DNAH7: variants seen among roughly 807,000 people sequenced by gnomAD.
DNAH7 encodes the protein dynein axonemal heavy chain 7.
Under a neutral mutation model 444.6 loss-of-function variants are expected in DNAH7, and 397 were observed. The observed-to-expected ratio is 0.89, with a 90% CI of 0.82 to 0.97. DNAH7 has a LOEUF of 0.97. DNAH7 is among the 50% of genes least tolerant of loss of function. The pLI is 0.00. For missense variants in DNAH7, 4,902 were observed against 4,800.8 expected (o/e 1.02, Z -0.62); for synonymous variants, 1,636 against 1,624.4 (o/e 1.01, Z -0.17).
At chr2:195,784,236 C>A (rs1269964388) in intron 58 of DNAH7, among the ~76,000 whole-genome samples, 1 of 152,178 alleles carries the variant, frequency 6.6e-6, no homozygotes, top group East Asian at 1.9e-4. Context: ...AAATAAAAAT[C>A]ATCTGTGTTC....
rs1318958440 is a variant in DNAH7 at position 195,761,074 on chromosome 2, CA to C, written c.11434-4790del. Among the ~76,000 whole-genome samples, 3 of 151,302 alleles carry C rather than the reference CA, an allele frequency of 2.0e-5. No individual in the cohort carries two copies. The East Asian group carries it at 5.8e-4, about 29-fold the overall frequency. ...TTCAAATAAGTGTTTTGAGGAAATGCAAAAAAAGATTCCAAATAACACCGAG... is the reference window on the plus strand; with the variant it reads ...TTCAAATAAGTGTTTTGAGGAAATGCAAAAAAGATTCCAAATAACACCGAG... On this transcript the variant is annotated intron_variant, in intron 61 of 64. Transcript: ENST00000312428.
At chr2:195,998,006 A>G (rs531143455) in intron 12 of DNAH7, among the ~76,000 whole-genome samples, 19 of 152,214 alleles carry the variant, frequency 1.2e-4, no homozygotes, top group Non-Finnish European at 2.5e-4. Context: ...AACTTACACA[A>G]GTACCTTTGA....
intron 36 of DNAH7, among the ~76,000 whole-genome samples, chr2:195,877,489 C>G (rs1338682603): frequency 1.3e-5 from 2 of 152,016 alleles, no homozygotes; most frequent in Non-Finnish European, 2.9e-5. Context: ...AATTATTAAC[C>G]CAAAATATCA....
intron 47 of DNAH7, among the ~76,000 whole-genome samples, chr2:195,838,767 A>G (rs74982263): frequency 0.015 from 2,334 of 152,066 alleles, 60 homozygotes; most frequent in African/African-American, 0.053. Context: ...AAAACACTAA[A>G]CAAAATAAAG....
At chr2:195,943,165 G>T (rs1689575832) in intron 19 of DNAH7, among the ~76,000 whole-genome samples, 1 of 152,138 alleles carries the variant, frequency 6.6e-6, no homozygotes, top group Non-Finnish European at 1.5e-5. Context: ...ATGTGGAACT[G>T]TAAGTCAATT....
intron 3 of DNAH7, among the ~76,000 whole-genome samples, chr2:196,050,809 A>G (rs1575105796): frequency 2.6e-5 from 4 of 152,332 alleles, no homozygotes; most frequent in Non-Finnish European, 4.4e-5. Context: ...GAAGATCATC[A>G]AATCAACTCA....
chr2:195,744,944 G>A (rs1693298597), intron 63 of DNAH7, among the ~76,000 whole-genome samples: 1 of 152,202 alleles, frequency 6.6e-6, no homozygotes, highest in Non-Finnish European at 1.5e-5. Flanking sequence ...AAAAAGCAGA[G>A]CGCCTCTCCT....
In DNAH7 at chr2:195,845,002, A is replaced by C. The variant is rs555222463; in HGVS notation, c.8945T>G (p.Met2982Arg). Residue 2982 changes from methionine (M) to arginine (R), a missense_variant and splice_region_variant, in exon 47 of 65, where the codon ATG (methionine) becomes AGG (arginine). Physicochemically the swap from Met to Arg is moderately conservative, Grantham distance 91 (BLOSUM62 -1). Transcript: ENST00000312428. The stretch of plus-strand genomic sequence containing the variant: ...TTTGTGAGAAAAATATTTTTCTTAC[A>C]TTATGATTATCCCATTATCAATGGA... ...SFSIDNGIII[M>R]NARRWPLMID... The C allele has an allele frequency of 6.2e-7, 1 of 1,611,712 alleles. No individual in the cohort carries two copies. Among genetic ancestry groups the C allele is most frequent in the Non-Finnish European group, 8.5e-7 (1 of 1,179,112 alleles).
chr2:195,993,100 G>A (rs1331293225), intron 12 of DNAH7, among the ~76,000 whole-genome samples: 3 of 152,180 alleles, frequency 2.0e-5, no homozygotes, highest in Non-Finnish European at 4.4e-5. Flanking sequence ...AGTAACAGAG[G>A]TGTGGGAAGC....
chr2:195,740,601 G>A lies in DNAH7; in HGVS notation c.11868+165C>T, dbSNP rs202172251. Reference sequence around the variant, plus strand: ...TGACTGTATATGTGTGTGTGTGTGTGTGTGTGTGTGTGTGTATATATATAT... The same window carrying A: ...TGACTGTATATGTGTGTGTGTGTGTATGTGTGTGTGTGTGTATATATATAT... On this transcript the variant is annotated intron_variant, in intron 64 of 64. Transcript: ENST00000312428. 2.9e-3 allele frequency among the ~76,000 whole-genome samples: 137 copies of A among 46,744 alleles called. 1 individual carries two copies. Among genetic ancestry groups the A allele is most frequent in the Middle Eastern group, 0.018 (2 of 110 alleles). 30.7% of individuals were successfully genotyped at this position (46,744 alleles called of 152,430 possible).
chr2:196,045,423 A>G (rs1697058992), intron 5 of DNAH7, among the ~76,000 whole-genome samples: 1 of 152,100 alleles, frequency 6.6e-6, no homozygotes, highest in Non-Finnish European at 1.5e-5. Flanking sequence ...ACTAAGAGAC[A>G]AACTTCAGCA....
At position 195,970,002 on chromosome 2, in the gene DNAH7, C is replaced by A. The variant is rs760736959; in HGVS notation, c.2151G>T (p.Arg717=). 1 of 1,612,416 alleles carries A rather than the reference C, an allele frequency of 6.2e-7. No homozygotes were observed. Among genetic ancestry groups the A allele is most frequent in the Admixed American group, 1.7e-5 (1 of 59,680 alleles). ...TCAGTATTTGAGCCTTTTTTAGGTA[C>A]CGCTGAACATCCTGAAGATCTCCAA... ...YSFGDLQDVQ[R]YLKKAQILNG... Residue 717 remains arginine (R), a synonymous_variant, in exon 17 of 65, where the codon CGG becomes CGT. Coordinates refer to ENST00000312428, the MANE Select transcript of DNAH7 (RefSeq NM_018897.3).
At chr2:195,856,885 C>G (rs1158434768) in intron 44 of DNAH7, among the ~76,000 whole-genome samples, 1 of 151,984 alleles carries the variant, frequency 6.6e-6, no homozygotes, top group African/African-American at 2.4e-5. Flanking sequence ...AATGAAGAAG[C>G]AGATTTTGGT....
intron 61 of DNAH7, among the ~76,000 whole-genome samples, chr2:195,771,039 G>A (rs1559083751): frequency 6.6e-6 from 1 of 151,886 alleles, no homozygotes; most frequent in Non-Finnish European, 1.5e-5. Flanking sequence ...TGTGAGCCTG[G>A]GCCAGGAGTT....
At chr2:195,895,340 G>A (rs898003571) in intron 29 of DNAH7, 116 bp from the exon 30 acceptor site, 7 of 655,372 alleles carry the variant, frequency 1.1e-5, no homozygotes, top group Non-Finnish European at 1.7e-5. Flanking sequence ...ATTTTTAACA[G>A]CTTTATAGAG....
At chr2:195,761,946 C>T (rs1574391093) in intron 61 of DNAH7, among the ~76,000 whole-genome samples, 1 of 152,066 alleles carries the variant, frequency 6.6e-6, no homozygotes, top group East Asian at 1.9e-4. Flanking sequence ...TATTATAACA[C>T]TATAAGTGTG....
chr2:196,068,659 G>A (rs1004765310), intron 1 of DNAH7, 38 bp downstream of exon 1: 1 of 1,549,080 alleles, frequency 6.5e-7, no homozygotes, highest in Non-Finnish European at 8.7e-7. Flanking sequence ...GGGAAGCGTC[G>A]CGGCGGCGGC....
chr2:195,938,013 T>G (rs1689167896), intron 19 of DNAH7, among the ~76,000 whole-genome samples: 1 of 152,118 alleles, frequency 6.6e-6, no homozygotes, highest in South Asian at 2.1e-4. Flanking sequence ...TTTTGGTATT[T>G]AGCCATGACT....
chr2:195,795,359 G>A (rs1696085052), intron 56 of DNAH7, among the ~76,000 whole-genome samples: 3 of 152,224 alleles, frequency 2.0e-5, no homozygotes, highest in Non-Finnish European at 4.4e-5. Flanking sequence ...TCCAGCCCGG[G>A]TGACAGATTG....
Sources: allele counts gnomAD v4.1 joint callset (sites outside exome capture counted in the v4.1 genomes callset), GRCh38; gene constraint gnomAD v4.1.1; transcripts MANE v1.5; gene names NCBI Gene and HGNC (gene_info 2026-07-23, HGNC 2026-07-21).